The following SCAPER variants were observed in gnomAD, a reference collection of about 807,000 sequenced individuals.
The protein encoded by SCAPER is S-phase cyclin A associated protein in the ER.
A neutral mutation model predicts 182.2 loss-of-function variants in SCAPER; 98 were observed. The ratio of observed to expected loss-of-function variants is 0.54; its 90% CI spans 0.46 to 0.64. The LOEUF is 0.64. Ranked by LOEUF, SCAPER falls within the 30% of genes least tolerant of loss-of-function variation. The pLI, the probability that SCAPER is intolerant of heterozygous loss-of-function variation, is 0.00. For missense variants in SCAPER, 1,432 were observed against 1,690.0 expected (o/e 0.85, Z 2.68); for synonymous variants, 605 against 564.6 (o/e 1.07, Z -1.01).
intron 4 of SCAPER, among the ~76,000 whole-genome samples, chr15:76,847,386 A>T (rs2070216274): frequency 2.0e-5 from 3 of 152,026 alleles, no homozygotes. Flanking sequence ...ACAAAAAAAA[A>T]TGGGAAGAAT....
chr15:76,476,711 T>A (rs966813175), intron 24 of SCAPER, among the ~76,000 whole-genome samples: 1 of 141,204 alleles, frequency 7.1e-6, no homozygotes, highest in Non-Finnish European at 1.5e-5. Flanking sequence ...CCTCCCAAAG[T>A]GTTGGGATTA....
chr15:76,855,797 A>G, intron 4 of SCAPER: 1 of 386,242 alleles, frequency 2.6e-6, no homozygotes, highest in Non-Finnish European at 5.3e-6. Context: ...TGTGGAGATA[A>G]GAGAATACTT....
Position 76,683,479 on chromosome 15 carries a change from A to AG in SCAPER, c.2509-17691_2509-17690insC, listed in dbSNP as rs2057851273. 2.0e-5 allele frequency among the ~76,000 whole-genome samples: 3 copies of AG among 152,134 alleles called. No individual in the cohort carries two copies. In the South Asian group the frequency reaches 6.2e-4, roughly 31 times the overall value. ...GAAAAAGCATGCAAATATGGAAAAT[A>AG]TATCTGAGGGTTATCATCCATGAAA... On this transcript the variant is annotated intron_variant, in intron 20 of 31. Coordinates refer to ENST00000563290, the MANE Select transcript of SCAPER (RefSeq NM_020843.4).
chr15:76,865,657 G>C (rs945907067), intron 2 of SCAPER, among the ~76,000 whole-genome samples: 5 of 152,136 alleles, frequency 3.3e-5, no homozygotes, highest in Non-Finnish European at 7.4e-5. Flanking sequence ...TGCTAAATCT[G>C]TGAGTGACAG....
chr15:76,668,449 C>G (rs2056781622), intron 20 of SCAPER, among the ~76,000 whole-genome samples: 1 of 152,206 alleles, frequency 6.6e-6, no homozygotes, highest in Non-Finnish European at 1.5e-5. Flanking sequence ...CTGATCTCAT[C>G]TACCATTCTC....
chr15:76,841,275 C>T (rs963199902), intron 5 of SCAPER, among the ~76,000 whole-genome samples: 8 of 151,940 alleles, frequency 5.3e-5, no homozygotes, highest in Non-Finnish European at 1.0e-4. Context: ...GTGTATGGAT[C>T]AAAAGAACAA....
At chr15:76,359,772 C>T (rs964768107) in intron 29 of SCAPER, among the ~76,000 whole-genome samples, 1 of 152,200 alleles carries the variant, frequency 6.6e-6, no homozygotes, top group African/African-American at 2.4e-5. Context: ...TCCCAAGTTA[C>T]AGAAGGGCAG....
chr15:76,849,356 C>T (rs1160653235), intron 4 of SCAPER, among the ~76,000 whole-genome samples: 1 of 152,206 alleles, frequency 6.6e-6, no homozygotes, highest in East Asian at 1.9e-4. Context: ...TCCACGCCTT[C>T]GACAAACTGC....
chr15:76,835,620 C>G (rs113761950), intron 5 of SCAPER, among the ~76,000 whole-genome samples: 3 of 152,112 alleles, frequency 2.0e-5, no homozygotes, highest in Non-Finnish European at 4.4e-5. Flanking sequence ...AACTATTCCC[C>G]TTGAAAACCA....
At chr15:76,567,148 G>A (rs375042960) in intron 23 of SCAPER, 5 of 282,464 alleles carry the variant, frequency 1.8e-5, no homozygotes, top group East Asian at 1.0e-4. Flanking sequence ...AATTGTAACA[G>A]TATATATATT....
rs1046697942 is a variant in SCAPER, at chr15:76,733,474, C to A, written c.1867-90G>T. 4 of 1,459,154 alleles carry A rather than the reference C, an allele frequency of 2.7e-6. No homozygotes were observed. In the East Asian group the frequency reaches 7.1e-5, roughly 26 times the overall value. 90.4% of individuals were successfully genotyped at this position (1,459,154 alleles called of 1,614,324 possible). On this transcript the variant is annotated intron_variant, in intron 15 of 31. Transcript: ENST00000563290. ...GAAATCTAACAACAGTCAGGCTGGG[C>A]GTGGTGGTTCACGCCTGTGATCCTA...
intron 8 of SCAPER, among the ~76,000 whole-genome samples, chr15:76,780,366 G>C (rs1246099518): frequency 6.6e-6 from 1 of 152,228 alleles, no homozygotes; most frequent in Non-Finnish European, 1.5e-5. Context: ...GGTAAACAAA[G>C]TGGCCGGGAA....
intron 20 of SCAPER, among the ~76,000 whole-genome samples, chr15:76,667,625 CAAAAAAAAAAAAAAAAAAAA>C (rs775463270): frequency 1.1e-4 from 3 of 27,448 alleles, no homozygotes; most frequent in African/African-American, 2.6e-4. Context: ...GACTCAGTCT[CAAAAAAAAAAAAAAAAAAAA>C]AAAAAAAAAA....
intron 23 of SCAPER, among the ~76,000 whole-genome samples, chr15:76,562,005 G>T (rs1004290909): frequency 4.0e-5 from 6 of 151,522 alleles, no homozygotes; most frequent in Admixed American, 3.9e-4. Flanking sequence ...AATTAGCTGG[G>T]TGTGGTGGCA....
At chr15:76,793,078 A>C (rs891077134) in intron 8 of SCAPER, among the ~76,000 whole-genome samples, 4 of 152,102 alleles carry the variant, frequency 2.6e-5, no homozygotes, top group African/African-American at 9.7e-5. Flanking sequence ...CCAATTTCTA[A>C]ATCATTTTAT....
In SCAPER at chr15:76,348,702, C is replaced by T; in HGVS notation, c.4134G>A (p.Leu1378=). The change falls in exon 32 of 32, where the codon CTG becomes CTA. Residue 1378 remains leucine, a synonymous_variant. Transcript: ENST00000563290. Reference sequence around the variant, plus strand: ...AGGCCTGCTGAGGAAATCTGTTAGCCAGCTCAAGATAGTCTTGGGAACCAA... The same window carrying T: ...AGGCCTGCTGAGGAAATCTGTTAGCTAGCTCAAGATAGTCTTGGGAACCAA... ...KCLGSQDYLE[L]ANRFPQQAWE... 1 of 1,556,856 alleles carries T rather than the reference C, an allele frequency of 6.4e-7. No individual in the cohort carries two copies.
At chr15:76,398,827 G>T (rs2044258873) in intron 27 of SCAPER, among the ~76,000 whole-genome samples, 1 of 152,186 alleles carries the variant, frequency 6.6e-6, no homozygotes. Flanking sequence ...CAGTGTAGTT[G>T]TAAGGATTGC....
chr15:76,751,068 A>T lies in SCAPER; in HGVS notation c.1866+2740T>A, dbSNP rs1317405397. ...GATACAAAGTCAACACACAAAAATC[A>T]ATTGCATTTCTATACACTAACAAGG... On this transcript the variant is annotated intron_variant, in intron 15 of 31. Coordinates refer to ENST00000563290, the MANE Select transcript of SCAPER (RefSeq NM_020843.4). Among the ~76,000 whole-genome samples the T allele has an allele frequency of 4.0e-5, 6 of 151,844 alleles. 1 individual carries two copies. In the East Asian group the frequency reaches 1.2e-3, roughly 29 times the overall value.
chr15:76,482,088 T>G (rs936888806), intron 24 of SCAPER, among the ~76,000 whole-genome samples: 4 of 152,068 alleles, frequency 2.6e-5, no homozygotes, highest in African/African-American at 9.7e-5. Flanking sequence ...TTTTTTCAGG[T>G]TAGTAGTCAC....
Sources: gnomAD v4.1 joint callset for allele counts (sites outside exome capture counted in the v4.1 genomes callset) on GRCh38, gnomAD v4.1.1 for gene constraint, MANE v1.5 for transcripts, NCBI Gene and HGNC (gene_info 2026-07-23, HGNC 2026-07-21) for gene names.